TRHR: variants seen among roughly 807,000 people sequenced by gnomAD.
TRHR encodes the protein thyrotropin releasing hormone receptor.
A neutral mutation model predicts 28.0 loss-of-function variants in TRHR; 14 were observed. That is an observed-to-expected ratio of 0.50 (90% confidence interval 0.33 to 0.78). The LOEUF is 0.78. TRHR is among the 30% of genes least tolerant of loss of function. TRHR has a pLI of 0.02. For synonymous variants in TRHR, 176 were observed against 171.9 expected (o/e 1.02, Z -0.18); for missense variants, 438 against 469.5 (o/e 0.93, Z 0.62).
intron 2 of TRHR, among the ~76,000 whole-genome samples, chr8:109,110,883 C>T (rs892113994): frequency 6.6e-6 from 1 of 152,112 alleles, no homozygotes; most frequent in African/African-American, 2.4e-5. Context: ...CAGTTGGGTG[C>T]GGTGGCTCAC....
intron 2 of TRHR, among the ~76,000 whole-genome samples, chr8:109,115,886 G>A (rs1365679373): frequency 5.9e-5 from 9 of 152,114 alleles, no homozygotes; most frequent in Non-Finnish European, 8.8e-5. Flanking sequence ...TCTTGTGCCA[G>A]TTTTCAGAGG....
At chr8:109,112,702 C>G (rs1586194791) in intron 2 of TRHR, among the ~76,000 whole-genome samples, 1 of 152,124 alleles carries the variant, frequency 6.6e-6, no homozygotes, top group South Asian at 2.1e-4. Flanking sequence ...GCAATATTTA[C>G]AGTGATTAAA....
chr8:109,101,743 T>C (rs1811679969), intron 2 of TRHR, among the ~76,000 whole-genome samples: 1 of 152,092 alleles, frequency 6.6e-6, no homozygotes, highest in South Asian at 2.1e-4. Context: ...CAAATAGAAA[T>C]ACAGATTTAA....
In TRHR at chr8:109,119,101, C is replaced by T. The variant is rs1432987740; in HGVS notation, c.843C>T (p.Pro281=). 4 of 1,612,704 alleles carry T rather than the reference C, an allele frequency of 2.5e-6. No homozygotes were observed. The highest frequency in any genetic ancestry group is 3.4e-6 in the Non-Finnish European group (4 of 1,179,240). ...TTCTGTTTGCCCTTTTATGGATGCC[C>T]TACAGGACTCTAGTGGTTGTCAACT... ...VVILFALLWM[P]YRTLVVVNSF... is the part of the protein sequence containing the mutation. The change falls in exon 3 of 3, where the codon CCC becomes CCT. Residue 281 remains proline (P), a synonymous_variant. Transcript: ENST00000518632.
Position 109,097,796 on chromosome 8 carries a change from GC to G in TRHR, c.789+9497del, listed in dbSNP as rs1315165118. 4.6e-5 allele frequency among the ~76,000 whole-genome samples: 7 copies of G among 152,322 alleles called. No individual in the cohort carries two copies. In the East Asian group the frequency reaches 1.2e-3, roughly 25 times the overall value. On this transcript the variant is annotated intron_variant, in intron 2 of 2. Transcript: ENST00000518632. Reference sequence around the variant, plus strand: ...TTTTCTCTTCAAGCTATTGAGCAATGCCAGAGAATATCACATTCTACAGACA... The same window carrying G: ...TTTTCTCTTCAAGCTATTGAGCAATGCAGAGAATATCACATTCTACAGACA...
chr8:109,120,510 T>C lies in TRHR; in HGVS notation c.*1055T>C, dbSNP rs1260877908. Among the ~76,000 whole-genome samples, 1 of 151,828 alleles carries C rather than the reference T, an allele frequency of 6.6e-6. No homozygotes were observed. ...ACTGAGAATTGTAGTCTATGGATTT[T>C]ACCTTGACTGCAATTGTCTTTCCTT... On this transcript the variant is annotated 3_prime_UTR_variant, in exon 3 of 3. Transcript: ENST00000518632.
At chr8:109,105,540 C>G (rs1327269004) in intron 2 of TRHR, among the ~76,000 whole-genome samples, 1 of 152,078 alleles carries the variant, frequency 6.6e-6, no homozygotes, top group African/African-American at 2.4e-5. Context: ...ATGGAGCTAT[C>G]TTTCTAAGGA....
At chr8:109,109,349 T>C (rs3925088) in intron 2 of TRHR, among the ~76,000 whole-genome samples, 86,709 of 151,722 alleles carry the variant, frequency 0.57, 26,448 homozygotes, top group African/African-American at 0.79. Context: ...CTCAAAAGTG[T>C]GGCTTTTGAT....
chr8:109,102,534 A>G (rs1326070941), intron 2 of TRHR, among the ~76,000 whole-genome samples: 1 of 152,152 alleles, frequency 6.6e-6, no homozygotes, highest in African/African-American at 2.4e-5. Context: ...AGAAGAAATG[A>G]ATGAGATGCA....
intron 2 of TRHR, among the ~76,000 whole-genome samples, chr8:109,110,347 T>C (rs558791758): frequency 6.6e-6 from 1 of 152,168 alleles, no homozygotes; most frequent in African/African-American, 2.4e-5. Context: ...ATTACACCAC[T>C]GTACTCCAGC....
intron 2 of TRHR, among the ~76,000 whole-genome samples, chr8:109,091,731 T>G (rs1749545697): frequency 6.6e-6 from 1 of 152,260 alleles, no homozygotes; most frequent in Admixed American, 6.5e-5. Context: ...ATTCAGAGAT[T>G]CAATTATATT....
intron 2 of TRHR, among the ~76,000 whole-genome samples, chr8:109,106,444 T>C (rs1811753496): frequency 6.6e-6 from 1 of 152,142 alleles, no homozygotes; most frequent in South Asian, 2.1e-4. Context: ...TCATATTGAG[T>C]TAGCATTCCC....
intron 2 of TRHR, among the ~76,000 whole-genome samples, chr8:109,110,258 A>G (rs947994323): frequency 9.2e-5 from 14 of 152,178 alleles, no homozygotes; most frequent in Non-Finnish European, 8.8e-5. Flanking sequence ...AGTGACTGTA[A>G]CCTATAATCC....
At chr8:109,101,822 A>C (rs1461165972) in intron 2 of TRHR, among the ~76,000 whole-genome samples, 1 of 152,160 alleles carries the variant, frequency 6.6e-6, no homozygotes, top group Non-Finnish European at 1.5e-5. Context: ...GGTTTGTTGA[A>C]GACACCAGAG....
At chr8:109,102,552 G>T (rs746059639) in intron 2 of TRHR, among the ~76,000 whole-genome samples, 38 of 152,098 alleles carry the variant, frequency 2.5e-4, no homozygotes, top group African/African-American at 6.5e-4. Context: ...GCAAAGAAAA[G>T]AAATAAGGAT....
At chr8:109,094,985 T>C (rs1026445632) in intron 2 of TRHR, among the ~76,000 whole-genome samples, 2 of 151,952 alleles carry the variant, frequency 1.3e-5, no homozygotes, top group South Asian at 2.1e-4. Context: ...TTGGTAAGTA[T>C]GTTCTTAGTC....
At chr8:109,116,336 T>A (rs1811921178) in intron 2 of TRHR, among the ~76,000 whole-genome samples, 1 of 152,166 alleles carries the variant, frequency 6.6e-6, no homozygotes, top group African/African-American at 2.4e-5. Context: ...TAGGGAGGAT[T>A]CCCTCTTTTT....
intron 2 of TRHR, among the ~76,000 whole-genome samples, chr8:109,112,869 T>A (rs1387101762): frequency 6.6e-6 from 1 of 152,192 alleles, no homozygotes; most frequent in Non-Finnish European, 1.5e-5. Context: ...AGTTTTTACT[T>A]CCTCATCAAT....
chr8:109,101,777 G>T lies in TRHR; in HGVS notation c.789+13476G>T, dbSNP rs532635851. 2.0e-5 allele frequency among the ~76,000 whole-genome samples: 3 copies of T among 152,212 alleles called. No homozygotes were observed. In the South Asian group the frequency reaches 6.2e-4, roughly 32 times the overall value. ...AAGGCTCAGAAGAAACATATAGACT[G>T]GAGATATAGCTTTGGGATTAATTAG... is the stretch of plus-strand genomic sequence containing the variant. On this transcript the variant is annotated intron_variant, in intron 2 of 2. Coordinates refer to ENST00000518632, the MANE Select transcript of TRHR (RefSeq NM_003301.7).
Sources: gnomAD v4.1 joint callset for allele counts (sites outside exome capture counted in the v4.1 genomes callset) on GRCh38, gnomAD v4.1.1 for gene constraint, MANE v1.5 for transcripts, NCBI Gene and HGNC (gene_info 2026-07-23, HGNC 2026-07-21) for gene names.